FHIT: variants seen among roughly 807,000 people sequenced by gnomAD.
The protein encoded by FHIT is bis(5'-adenosyl)-triphosphatase.
FHIT carries 19 observed loss-of-function variants against 17.9 expected under a neutral mutation model. The observed-to-expected ratio is 1.06, with a 90% CI of 0.74 to 1.56. The LOEUF (loss-of-function observed/expected upper bound fraction) is 1.56, where lower values mean the gene tolerates loss of function less well. Among genes scored for constraint, FHIT ranks in the 40% most tolerant of loss-of-function variants. The pLI is 0.00. For synonymous variants in FHIT, 81 were observed against 69.7 expected, an observed-to-expected ratio of 1.16 and a Z score of -0.81; for missense variants, 248 against 189.2, an observed-to-expected ratio of 1.31 and a Z score of -1.82.
chr3:59,918,978 G>A (rs182187000), intron 8 of FHIT, among the ~76,000 whole-genome samples: 1 of 152,110 alleles, frequency 6.6e-6, no homozygotes, highest in African/African-American at 2.4e-5. Context: ...AATACAGTGT[G>A]GTTTCCTCTA....
intron 8 of FHIT, among the ~76,000 whole-genome samples, chr3:59,901,187 G>A (rs1704313617): frequency 6.6e-6 from 1 of 152,112 alleles, no homozygotes; most frequent in Non-Finnish European, 1.5e-5. Context: ...ACTCTTCACT[G>A]TTTGACTTTC....
At chr3:60,444,026 G>C (rs951979461) in intron 5 of FHIT, among the ~76,000 whole-genome samples, 1 of 152,020 alleles carries the variant, frequency 6.6e-6, no homozygotes, top group African/African-American at 2.4e-5. Flanking sequence ...TCAAAAACTG[G>C]GTGAAGGATA....
chr3:61,212,162 G>T (rs1169325620), intron 1 of FHIT, among the ~76,000 whole-genome samples: 3 of 152,242 alleles, frequency 2.0e-5, no homozygotes, highest in African/African-American at 7.2e-5. Flanking sequence ...AAATGACTTT[G>T]ACAAGTTGAG....
chr3:60,641,217 C>T (rs536914559), intron 4 of FHIT, among the ~76,000 whole-genome samples: 1 of 151,924 alleles, frequency 6.6e-6, no homozygotes, highest in African/African-American at 2.4e-5. Context: ...TACATGTGCT[C>T]AAGTATAGGT....
At chr3:61,169,437 A>G (rs1297253416) in intron 2 of FHIT, among the ~76,000 whole-genome samples, 2 of 152,208 alleles carry the variant, frequency 1.3e-5, no homozygotes, top group African/African-American at 4.8e-5. Flanking sequence ...TTATACCTAT[A>G]TGAGTCATAA....
intron 8 of FHIT, among the ~76,000 whole-genome samples, chr3:59,918,902 G>A (rs1409191023): frequency 1.3e-5 from 2 of 152,128 alleles, no homozygotes; most frequent in Admixed American, 6.5e-5. Flanking sequence ...AAAGCCCAAG[G>A]ACCATCAATA....
intron 3 of FHIT, among the ~76,000 whole-genome samples, chr3:60,915,663 A>G (rs1706958701): frequency 1.3e-5 from 2 of 152,186 alleles, no homozygotes; most frequent in African/African-American, 2.4e-5. Flanking sequence ...TAGAAGTGTC[A>G]GCACAATGAT....
At chr3:61,117,721 T>C (rs1336760721) in intron 2 of FHIT, among the ~76,000 whole-genome samples, 2 of 152,128 alleles carry the variant, frequency 1.3e-5, no homozygotes, top group Admixed American at 6.5e-5. Context: ...CTAGCTAGAG[T>C]AGATCATTAC....
At chr3:59,931,616 T>C (rs1705974367) in intron 7 of FHIT, among the ~76,000 whole-genome samples, 1 of 152,106 alleles carries the variant, frequency 6.6e-6, no homozygotes, top group Non-Finnish European at 1.5e-5. Flanking sequence ...TTTTCATGTG[T>C]TCAAAGTGTC....
At chr3:60,021,122 G>A (rs1026556844) in intron 5 of FHIT, among the ~76,000 whole-genome samples, 1 of 152,170 alleles carries the variant, frequency 6.6e-6, no homozygotes, top group Non-Finnish European at 1.5e-5. Flanking sequence ...GTGTGATTAA[G>A]ATAATGATAA....
At chr3:60,322,969 A>G (rs565042787) in intron 5 of FHIT, among the ~76,000 whole-genome samples, 7 of 152,340 alleles carry the variant, frequency 4.6e-5, no homozygotes, top group African/African-American at 1.4e-4. Context: ...GACTGTATAG[A>G]AGACTGGCAA....
chr3:60,074,029 G>T (rs1460935606), intron 5 of FHIT, among the ~76,000 whole-genome samples: 2 of 152,074 alleles, frequency 1.3e-5, no homozygotes, highest in African/African-American at 4.8e-5. Context: ...TGTGAATGGA[G>T]CAGGGGCTTA....
At chr3:59,848,231 G>T (rs1411316843) in intron 8 of FHIT, among the ~76,000 whole-genome samples, 1 of 152,158 alleles carries the variant, frequency 6.6e-6, no homozygotes, top group Non-Finnish European at 1.5e-5. Context: ...GAAATTGATT[G>T]AAATTAATCA....
At chr3:60,236,783 C>A (rs931551827) in intron 5 of FHIT, among the ~76,000 whole-genome samples, 3 of 152,022 alleles carry the variant, frequency 2.0e-5, no homozygotes, top group Non-Finnish European at 4.4e-5. Context: ...AATATAAAAA[C>A]TCCCTTATCA....
At chr3:59,852,996 A>G (rs1191405706) in intron 8 of FHIT, among the ~76,000 whole-genome samples, 1 of 152,170 alleles carries the variant, frequency 6.6e-6, no homozygotes, top group Admixed American at 6.5e-5. Flanking sequence ...ATTCATGTGT[A>G]GATTTTTGTG....
intron 4 of FHIT, among the ~76,000 whole-genome samples, chr3:60,739,920 G>A (rs1553713561): frequency 6.6e-6 from 1 of 152,156 alleles, no homozygotes. Context: ...CTGCTCCTGA[G>A]AAGCTCACAA....
intron 5 of FHIT, among the ~76,000 whole-genome samples, chr3:60,434,266 A>G (rs570424072): frequency 6.6e-6 from 1 of 152,172 alleles, no homozygotes; most frequent in African/African-American, 2.4e-5. Flanking sequence ...GAAAATAAAT[A>G]TTTTCTCTTC....
At chr3:61,237,222 C>A (rs751460572) in intron 1 of FHIT, among the ~76,000 whole-genome samples, 14 of 152,194 alleles carry the variant, frequency 9.2e-5, no homozygotes, top group Middle Eastern at 3.4e-3. Flanking sequence ...TTATGTAATC[C>A]TTGAAATACA....
chr3:61,225,415 T>C (rs1560093581), intron 1 of FHIT, among the ~76,000 whole-genome samples: 1 of 152,216 alleles, frequency 6.6e-6, no homozygotes, highest in Non-Finnish European at 1.5e-5. Flanking sequence ...CACAAATGAA[T>C]AGAATCTGTA....
Sources: allele counts gnomAD v4.1 joint callset (sites outside exome capture counted in the v4.1 genomes callset), GRCh38; gene constraint gnomAD v4.1.1; transcripts MANE v1.5; gene names NCBI Gene and HGNC (gene_info 2026-07-23, HGNC 2026-07-21).